The following FAM13A variants were observed in gnomAD, a reference collection of about 807,000 sequenced individuals.
FAM13A encodes protein FAM13A.
A neutral mutation model predicts 129.6 loss-of-function variants in FAM13A; 76 were observed. The ratio of observed to expected loss-of-function variants is 0.59; its 90% CI spans 0.49 to 0.71. The LOEUF (loss-of-function observed/expected upper bound fraction) is 0.71. Ranked by LOEUF, FAM13A falls within the 30% of genes least tolerant of loss-of-function variation. FAM13A has a pLI of 0.00. For synonymous variants in FAM13A, 443 were observed against 449.9 expected (o/e 0.98, Z 0.20); for missense variants, 1,108 against 1,249.3 (o/e 0.89, Z 1.70).
At chr4:88,782,157 C>A (rs528209156) in intron 10 of FAM13A, among the ~76,000 whole-genome samples, 1 of 152,022 alleles carries the variant, frequency 6.6e-6, no homozygotes, top group East Asian at 1.9e-4. Context: ...AAGTACAGAC[C>A]TCTTTCATGA....
At chr4:88,915,806 CATTT>C (rs758813189) in intron 5 of FAM13A, among the ~76,000 whole-genome samples, 18 of 152,070 alleles carry the variant, frequency 1.2e-4, no homozygotes, top group Non-Finnish European at 2.4e-4. Flanking sequence ...TAGATTAATT[CATTT>C]GTGGATTAAT....
intron 5 of FAM13A, among the ~76,000 whole-genome samples, chr4:88,924,821 T>C (rs1751808571): frequency 6.6e-6 from 1 of 151,030 alleles, no homozygotes; most frequent in African/African-American, 2.4e-5. Context: ...AAAGGGCTAA[T>C]ATCCAGAATC....
At chr4:88,757,859 G>C (rs1172928557) in intron 14 of FAM13A, among the ~76,000 whole-genome samples, 2 of 152,170 alleles carry the variant, frequency 1.3e-5, no homozygotes, top group Non-Finnish European at 2.9e-5. Flanking sequence ...AAGACAAGGA[G>C]ATCCACGTGC....
chr4:88,926,410 C>A (rs1319406207), intron 5 of FAM13A, among the ~76,000 whole-genome samples: 3 of 152,136 alleles, frequency 2.0e-5, no homozygotes, highest in African/African-American at 7.2e-5. Context: ...GCCAAATATA[C>A]ACAGTATAAT....
intron 1 of FAM13A, among the ~76,000 whole-genome samples, chr4:89,032,243 TC>T (rs1768792064): frequency 7.1e-6 from 1 of 140,508 alleles, no homozygotes; most frequent in African/African-American, 2.8e-5. Context: ...AGACTCCGTC[TC>T]AAAAAAAAAA....
At chr4:88,946,757 A>T (rs1755959294) in intron 4 of FAM13A, among the ~76,000 whole-genome samples, 1 of 152,030 alleles carries the variant, frequency 6.6e-6, no homozygotes, top group South Asian at 2.1e-4. Flanking sequence ...CTAAGGAGCC[A>T]GAGTTATTAT....
chr4:89,057,056 T>C lies in FAM13A; in HGVS notation c.-92A>G, dbSNP rs1772281639. On this transcript the variant is annotated 5_prime_UTR_variant, in exon 1 of 24. Transcript: ENST00000264344. ...CTAAAATTCCATTCAGCACATATTC[T>C]TTGATGTGAAAAACAGCTCCCAATG... is the stretch of plus-strand genomic sequence containing the variant. The C allele has an allele frequency of 6.3e-6, 10 of 1,580,754 alleles. No homozygotes were observed. Among genetic ancestry groups the C allele is most frequent in the Non-Finnish European group, 8.6e-6 (10 of 1,166,602 alleles).
chr4:88,776,233 G>T (rs1419246389), intron 11 of FAM13A, among the ~76,000 whole-genome samples: 1 of 152,058 alleles, frequency 6.6e-6, no homozygotes, highest in Non-Finnish European at 1.5e-5. Flanking sequence ...TATCCTTTTA[G>T]CCTTTCTTCC....
intron 10 of FAM13A, among the ~76,000 whole-genome samples, chr4:88,782,086 TAA>T (rs1475070548): frequency 3.3e-5 from 5 of 152,172 alleles, no homozygotes; most frequent in East Asian, 1.9e-4. Context: ...AGAAATTATA[TAA>T]GTTAATAAAA....
chr4:88,751,164 C>T (rs947406595), intron 14 of FAM13A, among the ~76,000 whole-genome samples: 1 of 152,172 alleles, frequency 6.6e-6, no homozygotes, highest in Non-Finnish European at 1.5e-5. Flanking sequence ...ATTGCTTGAA[C>T]CCAGGAGGTG....
chr4:88,770,304 T>G (rs1720391978), intron 11 of FAM13A, among the ~76,000 whole-genome samples: 1 of 152,238 alleles, frequency 6.6e-6, no homozygotes, highest in African/African-American at 2.4e-5. Context: ...ACAAAGAATC[T>G]TTGTTCCCAT....
chr4:88,959,631 T>G (rs1211496438), intron 4 of FAM13A, among the ~76,000 whole-genome samples: 1 of 152,202 alleles, frequency 6.6e-6, no homozygotes, highest in African/African-American at 2.4e-5. Context: ...ACGAGCCAAT[T>G]AAACCTATTT....
intron 4 of FAM13A, among the ~76,000 whole-genome samples, chr4:88,965,385 C>G (rs1759217370): frequency 6.6e-6 from 1 of 152,112 alleles, no homozygotes; most frequent in Non-Finnish European, 1.5e-5. Flanking sequence ...ACAAAATGTT[C>G]TTCTTTACAT....
chr4:88,777,942 T>C (rs1228198713), intron 11 of FAM13A, among the ~76,000 whole-genome samples: 1 of 152,222 alleles, frequency 6.6e-6, no homozygotes, highest in Non-Finnish European at 1.5e-5. Context: ...ACTTGGCTTC[T>C]AAGACACCAA....
At position 88,892,197 on chromosome 4, in the gene FAM13A, T is replaced by C. The variant is rs866950540; in HGVS notation, c.843+14182A>G. On this transcript the variant is annotated intron_variant, in intron 6 of 23. Coordinates refer to ENST00000264344, the MANE Select transcript of FAM13A (RefSeq NM_014883.4). ...TCTTTTTTTTTTTTTTTTTTTTTTT[T>C]GAGACGGAGTCTGGCTCTGTCACCC... is the stretch of plus-strand genomic sequence containing the variant. Among the ~76,000 whole-genome samples the C allele has an allele frequency of 4.2e-3, 302 of 72,770 alleles. 1 individual carries two copies. Among genetic ancestry groups the C allele is most frequent in the South Asian group, 6.8e-3 (15 of 2,210 alleles). 47.7% of individuals were successfully genotyped at this position (72,770 alleles called of 152,430 possible). A position where few individuals can be genotyped will look rare whatever the true frequency, so the allele number is the denominator to read the frequency against.
chr4:88,810,535 C>G (rs904916206), intron 7 of FAM13A, among the ~76,000 whole-genome samples: 1 of 152,072 alleles, frequency 6.6e-6, no homozygotes, highest in African/African-American at 2.4e-5. Flanking sequence ...AGCAACGGAA[C>G]TATTTGAAGC....
In FAM13A at chr4:88,726,299, T is replaced by TAAG. The variant is rs57101865; in HGVS notation, c.*2231_*2233dup. Reference sequence around the variant, plus strand: ...TCTGGGCTCCATTCCATGAAGAATATAAGTTAGTTAGTTAGTTAGTGGAAA... The same window carrying TAAG: ...TCTGGGCTCCATTCCATGAAGAATATAAGAAGTTAGTTAGTTAGTTAGTGGAAA... On this transcript the variant is annotated 3_prime_UTR_variant, in exon 24 of 24. Transcript: ENST00000264344. 47,475 of 150,946 alleles carry TAAG rather than the reference T, an allele frequency of 0.31. 7,975 individuals are homozygous for TAAG. Among genetic ancestry groups the TAAG allele is most frequent in the African/African-American group, 0.44 (17,973 of 41,206 alleles). 9.4% of individuals were successfully genotyped at this position (150,946 alleles called of 1,614,324 possible). A position where few individuals can be genotyped will look rare whatever the true frequency, so the allele number is the denominator to read the frequency against.
At chr4:88,811,354 AC>A (rs1297733750) in intron 7 of FAM13A, among the ~76,000 whole-genome samples, 9 of 152,154 alleles carry the variant, frequency 5.9e-5, no homozygotes, top group African/African-American at 2.2e-4. Context: ...TTTGCATAGG[AC>A]ATGGCCTCCA....
At chr4:88,939,953 G>T (rs1051151251) in intron 4 of FAM13A, among the ~76,000 whole-genome samples, 16 of 152,132 alleles carry the variant, frequency 1.1e-4, no homozygotes, top group Admixed American at 9.2e-4. Context: ...AGATAAAAAC[G>T]CAACCCAGTT....
Sources: allele counts gnomAD v4.1 joint callset (sites outside exome capture counted in the v4.1 genomes callset), GRCh38; gene constraint gnomAD v4.1.1; transcripts MANE v1.5; gene names NCBI Gene and HGNC (gene_info 2026-07-23, HGNC 2026-07-21).